The following ZFPM2 variants were observed in gnomAD, a reference collection of about 807,000 sequenced individuals.
ZFPM2 encodes the protein zinc finger protein ZFPM2.
A neutral mutation model predicts 98.6 loss-of-function variants in ZFPM2; 20 were observed. The ratio of observed to expected loss-of-function variants is 0.20; its 90% CI spans 0.14 to 0.29. ZFPM2 has a LOEUF of 0.29. Ranked by LOEUF, ZFPM2 falls within the 10% of genes least tolerant of loss-of-function variation. The probability of loss-of-function intolerance (pLI) is 1.00; values close to 1 mark genes in which losing one functional copy is unlikely to be tolerated. For synonymous variants in ZFPM2, 518 were observed against 502.7 expected, an observed-to-expected ratio of 1.03 and a Z score of -0.41; for missense variants, 1,310 against 1,388.6, an observed-to-expected ratio of 0.94 and a Z score of 0.90.
At chr8:105,388,700 A>G (rs1465448920) in intron 1 of ZFPM2, among the ~76,000 whole-genome samples, 1 of 152,192 alleles carries the variant, frequency 6.6e-6, no homozygotes, top group Non-Finnish European at 1.5e-5. Context: ...GAGGAAGAAC[A>G]GTTGCTGTGG....
At chr8:105,696,511 T>C (rs188189122) in intron 5 of ZFPM2, among the ~76,000 whole-genome samples, 1 of 152,296 alleles carries the variant, frequency 6.6e-6, no homozygotes, top group Admixed American at 6.5e-5. Context: ...CTCACTTCCT[T>C]CCACTTTATT....
chr8:105,614,749 C>T (rs1319271469), intron 4 of ZFPM2, among the ~76,000 whole-genome samples: 1 of 152,016 alleles, frequency 6.6e-6, no homozygotes, highest in East Asian at 1.9e-4. Flanking sequence ...CTCCTTCCCC[C>T]CAAATCTTTG....
At chr8:105,336,723 CACACACAG>C (rs1332707070) in intron 1 of ZFPM2, among the ~76,000 whole-genome samples, 3 of 150,650 alleles carry the variant, frequency 2.0e-5, no homozygotes, top group African/African-American at 7.4e-5. Flanking sequence ...CACACACACA[CACACACAG>C]ACATATACAT....
intron 4 of ZFPM2, among the ~76,000 whole-genome samples, chr8:105,610,166 A>G (rs1816279448): frequency 6.6e-6 from 1 of 152,184 alleles, no homozygotes; most frequent in Non-Finnish European, 1.5e-5. Flanking sequence ...CATTTTAGAT[A>G]GTCGCCTTAG....
intron 2 of ZFPM2, among the ~76,000 whole-genome samples, chr8:105,433,922 T>C (rs1323549794): frequency 6.6e-6 from 1 of 152,240 alleles, no homozygotes; most frequent in African/African-American, 2.4e-5. Flanking sequence ...TTCTAGTCTT[T>C]TGATCTGCTT....
chr8:105,472,457 A>G (rs892147770), intron 3 of ZFPM2, among the ~76,000 whole-genome samples: 1 of 152,178 alleles, frequency 6.6e-6, no homozygotes, highest in Non-Finnish European at 1.5e-5. Context: ...AAATATGAAA[A>G]GATCACTGAC....
intron 4 of ZFPM2, among the ~76,000 whole-genome samples, chr8:105,621,455 A>C (rs1017179938): frequency 6.6e-6 from 1 of 152,130 alleles, no homozygotes; most frequent in Non-Finnish European, 1.5e-5. Flanking sequence ...CTAAATATAC[A>C]ATCATGTCAT....
intron 1 of ZFPM2, among the ~76,000 whole-genome samples, chr8:105,323,454 A>G (rs1162867610): frequency 1.3e-5 from 2 of 152,044 alleles, no homozygotes; most frequent in Middle Eastern, 3.4e-3. Flanking sequence ...ACTGAGCAAC[A>G]TTTCGGAAAA....
At chr8:105,558,916 T>G (rs1815064129) in intron 3 of ZFPM2, among the ~76,000 whole-genome samples, 1 of 152,148 alleles carries the variant, frequency 6.6e-6, no homozygotes, top group Non-Finnish European at 1.5e-5. Context: ...TGTAAGTAAG[T>G]ATGGTTGAAA....
At chr8:105,462,749 T>C (rs1486280719) in intron 3 of ZFPM2, among the ~76,000 whole-genome samples, 1 of 152,106 alleles carries the variant, frequency 6.6e-6, no homozygotes, top group Non-Finnish European at 1.5e-5. Flanking sequence ...ACAGATTTTT[T>C]TTGTCTAAAA....
At chr8:105,762,324 C>T (rs1267360448) in intron 5 of ZFPM2, among the ~76,000 whole-genome samples, 1 of 151,922 alleles carries the variant, frequency 6.6e-6, no homozygotes, top group African/African-American at 2.4e-5. Flanking sequence ...TGAGTGACAG[C>T]ACACTGAATT....
chr8:105,356,093 A>C (rs62525434), intron 1 of ZFPM2, among the ~76,000 whole-genome samples: 3,945 of 152,344 alleles, frequency 0.026, 81 homozygotes, highest in Non-Finnish European at 0.04. Flanking sequence ...GTGAAAGGGA[A>C]TTGTAACAAA....
At chr8:105,769,860 G>C (rs1341979359) in intron 5 of ZFPM2, among the ~76,000 whole-genome samples, 1 of 151,502 alleles carries the variant, frequency 6.6e-6, no homozygotes, top group African/African-American at 2.4e-5. Context: ...GATCATTCTG[G>C]TGGACCCTTT....
At chr8:105,355,370 T>G (rs1812721013) in intron 1 of ZFPM2, among the ~76,000 whole-genome samples, 1 of 152,220 alleles carries the variant, frequency 6.6e-6, no homozygotes, top group African/African-American at 2.4e-5. Context: ...TCTTTAATCC[T>G]TTCTTATGGT....
At chr8:105,442,705 C>T (rs6987860) in intron 2 of ZFPM2, among the ~76,000 whole-genome samples, 38,593 of 152,046 alleles carry the variant, frequency 0.25, 5,144 homozygotes, top group Admixed American at 0.32. Context: ...TGGGTTTCTA[C>T]ATTCCTACTC....
At chr8:105,796,098 A>ATGAT (rs1401177313) in intron 6 of ZFPM2, among the ~76,000 whole-genome samples, 6 of 152,180 alleles carry the variant, frequency 3.9e-5, no homozygotes, top group Admixed American at 2.0e-4. Context: ...CATTCAATCA[A>ATGAT]TGATATAGTA....
At chr8:105,351,348 T>C (rs953094453) in intron 1 of ZFPM2, among the ~76,000 whole-genome samples, 1 of 134,118 alleles carries the variant, frequency 7.5e-6, no homozygotes, top group Non-Finnish European at 1.6e-5. Flanking sequence ...TATAGTTGCA[T>C]TATTTCGTGT....
intron 5 of ZFPM2, among the ~76,000 whole-genome samples, chr8:105,664,949 G>A (rs1817461981): frequency 6.6e-6 from 1 of 152,102 alleles, no homozygotes; most frequent in African/African-American, 2.4e-5. Context: ...GATAATTAAG[G>A]GCAAAAATTC....
intron 5 of ZFPM2, among the ~76,000 whole-genome samples, chr8:105,730,019 T>A (rs1172840180): frequency 6.6e-6 from 1 of 151,602 alleles, no homozygotes; most frequent in African/African-American, 2.4e-5. Flanking sequence ...ATTACTTTTT[T>A]CATTCACTTA....
Sources: gnomAD v4.1 joint callset for allele counts (sites outside exome capture counted in the v4.1 genomes callset) on GRCh38, gnomAD v4.1.1 for gene constraint, MANE v1.5 for transcripts, NCBI Gene and HGNC (gene_info 2026-07-23, HGNC 2026-07-21) for gene names.